Variants in DNAH14 observed in about 807,000 individuals in gnomAD.
DNAH14 encodes axonemal beta dynein heavy chain 14.
A neutral mutation model predicts 520.9 loss-of-function variants in DNAH14; 478 were observed. The ratio of observed to expected loss-of-function variants is 0.92; its 90% CI spans 0.85 to 0.99. The LOEUF (loss-of-function observed/expected upper bound fraction) is 0.99. DNAH14 is among the 50% of genes least tolerant of loss of function. DNAH14 has a pLI of 0.00. For synonymous variants in DNAH14, 1,581 were observed against 1,757.2 expected (o/e 0.90, Z 2.51); for missense variants, 4,831 against 5,234.5 (o/e 0.92, Z 2.38).
In DNAH14 at chr1:225,384,412, A is replaced by T. The variant is rs578142816; in HGVS notation, c.13077+2833A>T. ...CTGAAAGAGATAGAGACACAAAAAA[A>T]CCTTCAAAAAATCAATGAATCCAGA... On this transcript the variant is annotated intron_variant, in intron 81 of 85. Coordinates refer to ENST00000682510, the MANE Select transcript of DNAH14 (RefSeq NM_001367479.1). Among the ~76,000 whole-genome samples, 582 of 152,276 alleles carry T rather than the reference A, an allele frequency of 3.8e-3. 6 individuals are homozygous for T. Among genetic ancestry groups the T allele is most frequent in the African/African-American group, 0.013 (544 of 41,550 alleles).
intron 41 of DNAH14, 120 bp downstream of exon 41, chr1:225,207,340 C>A (rs760264679): frequency 6.8e-6 from 7 of 1,028,096 alleles, no homozygotes; most frequent in African/African-American, 1.7e-5. Context: ...TCTATTTGGA[C>A]CAACAGCAGA....
chr1:225,189,799 A>G (rs1473739262), intron 37 of DNAH14, among the ~76,000 whole-genome samples: 1 of 151,884 alleles, frequency 6.6e-6, no homozygotes. Flanking sequence ...TTGATTACTG[A>G]TGATGGACTT....
At chr1:224,972,719 C>T (rs1461247804) in intron 7 of DNAH14, among the ~76,000 whole-genome samples, 1 of 152,176 alleles carries the variant, frequency 6.6e-6, no homozygotes, top group Non-Finnish European at 1.5e-5. Context: ...CCTGCCTTGG[C>T]CTCCCAAAGT....
chr1:225,064,583 TA>T (rs57433167), intron 17 of DNAH14, among the ~76,000 whole-genome samples: 1 of 151,180 alleles, frequency 6.6e-6, no homozygotes, highest in East Asian at 1.9e-4. Context: ...TATGCAGCAT[TA>T]AAAAAAAGAA....
intron 38 of DNAH14, among the ~76,000 whole-genome samples, chr1:225,201,249 A>G (rs1253265076): frequency 2.0e-5 from 3 of 152,020 alleles, no homozygotes; most frequent in Non-Finnish European, 4.4e-5. Context: ...TATTTCATTA[A>G]AAATGTATCC....
At chr1:224,932,148 C>A (rs1558431051) in intron 1 of DNAH14, among the ~76,000 whole-genome samples, 1 of 152,070 alleles carries the variant, frequency 6.6e-6, no homozygotes, top group Non-Finnish European at 1.5e-5. Context: ...TTATTAATAG[C>A]CATTCTGACT....
At chr1:225,008,372 C>T (rs1212733935) in intron 10 of DNAH14, among the ~76,000 whole-genome samples, 2 of 152,014 alleles carry the variant, frequency 1.3e-5, no homozygotes, top group Non-Finnish European at 2.9e-5. Flanking sequence ...GTGAATAGTG[C>T]TGCAATAAAC....
At chr1:225,322,081 C>CT (rs2094565139) in intron 61 of DNAH14, among the ~76,000 whole-genome samples, 4 of 100,462 alleles carry the variant, frequency 4.0e-5, no homozygotes, top group African/African-American at 1.2e-4. Context: ...CTTTTTTTTT[C>CT]TTTCTTTTTT....
At chr1:225,207,349 G>A (rs1276518915) in intron 41 of DNAH14, 129 bp downstream of exon 41, 7 of 887,476 alleles carry the variant, frequency 7.9e-6, no homozygotes, top group Non-Finnish European at 1.1e-5. Flanking sequence ...ACCAACAGCA[G>A]ATATGCACAT....
At chr1:225,282,177 G>A (rs2149926816) in intron 54 of DNAH14, among the ~76,000 whole-genome samples, 1 of 152,264 alleles carries the variant, frequency 6.6e-6, no homozygotes, top group Middle Eastern at 3.4e-3. Context: ...AGCAAGTCAG[G>A]GCCAAACACA....
intron 8 of DNAH14, among the ~76,000 whole-genome samples, chr1:224,981,066 C>A (rs914952995): frequency 7.8e-6 from 1 of 127,756 alleles, no homozygotes; most frequent in African/African-American, 3.9e-5. Context: ...CATGTGTATT[C>A]TGTTTATGTG....
intron 21 of DNAH14, among the ~76,000 whole-genome samples, chr1:225,096,132 A>ATTT (rs950932613): frequency 7.3e-6 from 1 of 136,104 alleles, no homozygotes; most frequent in African/African-American, 3.5e-5. Flanking sequence ...TGCCTGACTA[A>ATTT]TTTGTTGTTG....
chr1:225,083,809 G>A (rs1363564699), intron 20 of DNAH14, among the ~76,000 whole-genome samples: 1 of 152,112 alleles, frequency 6.6e-6, no homozygotes, highest in Non-Finnish European at 1.5e-5. Flanking sequence ...GAGCATAAGA[G>A]CAAATACCAA....
chr1:225,050,271 A>T lies in DNAH14; in HGVS notation c.1974A>T (p.Ile658=). ...QLSIFIDLVS[I]MDLPNKTGSI... ...CTATCTTCATTGATTTGGTTTCAAT[A>T]ATGGATTTACCTAATAAGACAGGAA... Residue 658 remains isoleucine, a synonymous_variant, in exon 16 of 86, where the codon ATA becomes ATT. Transcript: ENST00000682510. 1 of 1,550,272 alleles carries T rather than the reference A, an allele frequency of 6.5e-7. No individual in the cohort carries two copies. The highest frequency in any genetic ancestry group is 8.7e-7 in the Non-Finnish European group (1 of 1,146,512).
chr1:225,229,253 C>T (rs1185735847), intron 41 of DNAH14, among the ~76,000 whole-genome samples: 1 of 152,122 alleles, frequency 6.6e-6, no homozygotes, highest in Non-Finnish European at 1.5e-5. Flanking sequence ...CAACCAGAGT[C>T]TTTGGGACAG....
Position 225,042,832 on chromosome 1 carries a change from T to C in DNAH14, c.1489-3T>C. ...GGCACCCTCACATTATCCGTTAAAT[T>C]AGATTTTGAATAGTGTTGAAGTGGG... is the stretch of plus-strand genomic sequence containing the variant. On this transcript the variant is annotated splice_region_variant and splice_polypyrimidine_tract_variant and intron_variant, in intron 12 of 85. Transcript: ENST00000682510. 6.5e-7 allele frequency: 1 copy of C among 1,545,190 alleles called. No individual in the cohort carries two copies. The highest frequency in any genetic ancestry group is 8.7e-7 in the Non-Finnish European group (1 of 1,143,442).
chr1:225,335,749 G>T (rs111205890), intron 66 of DNAH14, among the ~76,000 whole-genome samples: 1 of 26,420 alleles, frequency 3.8e-5, no homozygotes, highest in African/African-American at 4.0e-4. Flanking sequence ...ATGTATATAC[G>T]CATATATACA....
At chr1:225,290,740 C>T (rs1157082691) in intron 55 of DNAH14, among the ~76,000 whole-genome samples, 1 of 137,012 alleles carries the variant, frequency 7.3e-6, no homozygotes, top group African/African-American at 2.7e-5. Context: ...AAATTAAATT[C>T]AATTAAATGT....
intron 10 of DNAH14, among the ~76,000 whole-genome samples, chr1:225,012,761 A>G (rs1234100747): frequency 4.6e-5 from 7 of 151,734 alleles, no homozygotes. Context: ...TTGGCTGTTG[A>G]TGCTTGTGTA....
Sources: gnomAD v4.1 joint callset for allele counts (sites outside exome capture counted in the v4.1 genomes callset) on GRCh38, gnomAD v4.1.1 for gene constraint, MANE v1.5 for transcripts, NCBI Gene and HGNC (gene_info 2026-07-23, HGNC 2026-07-21) for gene names.